The following INO80D variants were observed in gnomAD, a reference collection of about 807,000 sequenced individuals.
INO80D encodes the protein INO80 complex subunit D.
In INO80D, 21 loss-of-function variants were observed where a neutral mutation model predicts 87.6. The ratio of observed to expected loss-of-function variants is 0.24; its 90% CI spans 0.17 to 0.35. The LOEUF (loss-of-function observed/expected upper bound fraction) is 0.35. Ranked by LOEUF, INO80D falls within the 10% of genes least tolerant of loss-of-function variation. The probability of loss-of-function intolerance (pLI) is 1.00; values close to 1 mark genes in which losing one functional copy is unlikely to be tolerated. For synonymous variants in INO80D, 440 were observed against 491.0 expected (o/e 0.90, Z 1.37); for missense variants, 982 against 1,280.7 (o/e 0.77, Z 3.56).
chr2:206,064,817 G>GA (rs140035256), intron 1 of INO80D, among the ~76,000 whole-genome samples: 63 of 146,534 alleles, frequency 4.3e-4, no homozygotes, highest in South Asian at 1.7e-3. Context: ...ACTGTAGTAG[G>GA]AAAAAAAAAA....
At chr2:206,050,518 A>G (rs1425687426) in intron 4 of INO80D, among the ~76,000 whole-genome samples, 5 of 125,156 alleles carry the variant, frequency 4.0e-5, no homozygotes, top group Non-Finnish European at 7.4e-5. Flanking sequence ...AAAAAAAAAA[A>G]AAAAAAGATT....
At chr2:206,019,644 CA>C in intron 7 of INO80D, 91 bp downstream of exon 7, 1 of 840,422 alleles carries the variant, frequency 1.2e-6, no homozygotes, top group Non-Finnish European at 1.9e-6. Context: ...GTTATGGTTT[CA>C]AAAGTCATTC....
At chr2:206,030,399 GT>G (rs1419994906) in intron 5 of INO80D, among the ~76,000 whole-genome samples, 1 of 151,924 alleles carries the variant, frequency 6.6e-6, no homozygotes, top group Non-Finnish European at 1.5e-5. Flanking sequence ...GGAGGTGGAG[GT>G]TGCAGGAAAC....
rs1270800902 is a variant in INO80D at position 206,028,218 on chromosome 2, T to C, written c.1191A>G (p.Lys397=). The change falls in exon 6 of 11, where the codon AAA becomes AAG. Residue 397 remains lysine, a synonymous_variant. Coordinates refer to ENST00000403263, the MANE Select transcript of INO80D (RefSeq NM_017759.5). The part of the protein sequence containing the change: ...RLERAESRQK[K]CRHTFRKALL... ...AAGCTTTCCTAAACGTATGCCGGCA[T>C]TTCTTTTGACGAGATTCTGCCCGCT... 5 of 1,613,582 alleles carry C rather than the reference T, an allele frequency of 3.1e-6. No homozygotes were observed. The East Asian group carries it at 1.1e-4, about 36-fold the overall frequency.
At position 205,995,838 on chromosome 2, in the gene INO80D, C is replaced by A. The variant is rs1687798460; in HGVS notation, c.*8530G>T. 6.6e-6 allele frequency: 1 copy of A among 152,034 alleles called. No homozygotes were observed. The highest frequency in any genetic ancestry group is 2.1e-4 in the South Asian group (1 of 4,820). 9.4% of individuals were successfully genotyped at this position (152,034 alleles called of 1,614,324 possible). On this transcript the variant is annotated 3_prime_UTR_variant, in exon 11 of 11. Transcript: ENST00000403263. ...TAGCAGAATTCATCACACAGGAATT[C>A]ATCAAAGCAGTTTCATCATGAGAAA...
At position 206,005,507 on chromosome 2, in the gene INO80D, T is replaced by G; in HGVS notation, c.1945A>C (p.Thr649Pro). The part of the protein sequence containing the change: ...EGKNGDLLPT[T>P]EEAEELERAL... ...CGTTCAAGCTCCTCAGCCTCTTCGGTAGTTGGGAGGAGGTCTCCATTCTTC... is the reference window on the plus strand; with the variant it reads ...CGTTCAAGCTCCTCAGCCTCTTCGGGAGTTGGGAGGAGGTCTCCATTCTTC... Residue 649 changes from threonine (T) to proline (P), a missense_variant, in exon 11 of 11, where the codon ACC becomes CCC. Transcript: ENST00000403263. The G allele has an allele frequency of 6.2e-7, 1 of 1,612,818 alleles. No homozygotes were observed. Among genetic ancestry groups the G allele is most frequent in the African/African-American group, 1.3e-5 (1 of 75,030 alleles).
Position 206,018,858 on chromosome 2 carries a change from G to A in INO80D, c.1408+878C>T, listed in dbSNP as rs150039207. Among the ~76,000 whole-genome samples the A allele has an allele frequency of 3.5e-3, 530 of 152,274 alleles. 3 individuals carry two copies. The highest frequency in any genetic ancestry group is 6.8e-3 in the Middle Eastern group (2 of 294). ...GTCGAGGCTGCAGTGAGCTGTGATC[G>A]TGCCACTGCACTTCAGCCGGGGTGA... On this transcript the variant is annotated intron_variant, in intron 7 of 10. Transcript: ENST00000403263.
At chr2:206,059,247 G>T (rs999062884) in intron 3 of INO80D, among the ~76,000 whole-genome samples, 1 of 151,968 alleles carries the variant, frequency 6.6e-6, no homozygotes, top group Non-Finnish European at 1.5e-5. Context: ...CGGGTGTGGT[G>T]GTGTGCGCCT....
At chr2:206,058,886 G>C (rs957000555) in intron 3 of INO80D, among the ~76,000 whole-genome samples, 1 of 152,074 alleles carries the variant, frequency 6.6e-6, no homozygotes, top group African/African-American at 2.4e-5. Flanking sequence ...GAAGTTCCAA[G>C]AGGAAACTGT....
Position 206,056,591 on chromosome 2 carries a change from G to A in INO80D, c.571C>T (p.Gln191Ter). ...GCAGGAGGGGGACTAAAGTGCTCTT[G>A]TCGAACTTTTAAAATCTCTGTCTCT... ...QRETEILKVRQEHFSPPPAPS... is the reference protein window; with the variant it reads ...QRETEILKVR Residue 191 changes from glutamine (Q) to a stop codon, truncating the protein, a stop_gained, in exon 4 of 11, where the codon CAA becomes TAA. Coordinates refer to ENST00000403263, the MANE Select transcript of INO80D (RefSeq NM_017759.5). LOFTEE classifies it high-confidence loss of function. 1 of 1,610,928 alleles carries A rather than the reference G, an allele frequency of 6.2e-7. No homozygotes were observed. Among genetic ancestry groups the A allele is most frequent in the Non-Finnish European group, 8.5e-7 (1 of 1,178,476 alleles).
chr2:206,039,969 G>A lies in INO80D; in HGVS notation c.1073+6535C>T, dbSNP rs73063809. Among the ~76,000 whole-genome samples the A allele has an allele frequency of 8.2e-3, 1,247 of 151,812 alleles. 14 individuals carry two copies. The highest frequency in any genetic ancestry group is 0.028 in the African/African-American group (1,161 of 41,440). ...CAAGAAAAAACATGAATAAACATAC[G>A]ACAAAGAGTAATCACAAAACTTCCC... On this transcript the variant is annotated intron_variant, in intron 5 of 10. Coordinates refer to ENST00000403263, the MANE Select transcript of INO80D (RefSeq NM_017759.5).
chr2:206,023,781 A>G (rs1688530338), intron 6 of INO80D, among the ~76,000 whole-genome samples: 1 of 152,140 alleles, frequency 6.6e-6, no homozygotes, highest in Non-Finnish European at 1.5e-5. Flanking sequence ...ACTTTTCACT[A>G]ATCATGGGTG....
Position 205,999,569 on chromosome 2 carries a change from A to C in INO80D, c.*4799T>G, listed in dbSNP as rs187608067. On this transcript the variant is annotated 3_prime_UTR_variant, in exon 11 of 11. Transcript: ENST00000403263. ...AGAGAAAAACTAACAAAAAAAAATA[A>C]GGGCTGAAGTGAAAACAGAATTTTT... The C allele has an allele frequency of 6.6e-6, 1 of 152,158 alleles. No individual in the cohort carries two copies. Among genetic ancestry groups the C allele is most frequent in the Non-Finnish European group, 1.5e-5 (1 of 68,024 alleles). The allele number at this position is 152,158 out of a possible 1,614,324, so 9.4% of individuals were successfully genotyped here. A position where few individuals can be genotyped will look rare whatever the true frequency, so the allele number is the denominator to read the frequency against.
intron 4 of INO80D, among the ~76,000 whole-genome samples, chr2:206,047,499 G>T (rs995973616): frequency 2.0e-5 from 3 of 152,050 alleles, no homozygotes; most frequent in Non-Finnish European, 4.4e-5. Flanking sequence ...GATTACAGGC[G>T]TGAGCCACCA....
At chr2:206,084,236 TACATACACACACACAC>T (rs1328782078) in intron 1 of INO80D, among the ~76,000 whole-genome samples, 1 of 103,554 alleles carries the variant, frequency 9.7e-6, no homozygotes, top group African/African-American at 3.8e-5. Context: ...TTAAATGTTA[TACATACACACACACAC>T]ACACACACAC....
intron 5 of INO80D, among the ~76,000 whole-genome samples, chr2:206,038,196 T>C (rs1688941523): frequency 1.3e-5 from 2 of 152,180 alleles, no homozygotes; most frequent in South Asian, 4.1e-4. Flanking sequence ...AATCTATGCA[T>C]AACAAAACTG....
At chr2:206,025,542 A>AAAAAAAAAAAAAAAAAAATATATATAT in intron 6 of INO80D, 1 of 76,944 alleles carries the variant, frequency 1.3e-5, no homozygotes, top group Non-Finnish European at 2.6e-5. Flanking sequence ...AAAAAAAAAA[A>AAAAAAAAAAAAAAAAAAATATATATAT]ATATATATAT....
intron 1 of INO80D, among the ~76,000 whole-genome samples, chr2:206,080,709 C>T (rs978661172): frequency 6.6e-6 from 1 of 151,736 alleles, no homozygotes; most frequent in African/African-American, 2.4e-5. Flanking sequence ...AGACCGAGAC[C>T]ATCCTGGCTA....
At chr2:206,032,433 C>T (rs184820666) in intron 5 of INO80D, among the ~76,000 whole-genome samples, 1 of 152,162 alleles carries the variant, frequency 6.6e-6, no homozygotes, top group South Asian at 2.1e-4. Context: ...TCTCTGACAA[C>T]CTGTGTGATT....
Sources: allele counts gnomAD v4.1 joint callset (sites outside exome capture counted in the v4.1 genomes callset), GRCh38; gene constraint gnomAD v4.1.1; transcripts MANE v1.5; gene names NCBI Gene and HGNC (gene_info 2026-07-23, HGNC 2026-07-21).